Variants in DPYSL5 observed in about 807,000 individuals in gnomAD.
DPYSL5 encodes dihydropyrimidinase-related protein 5.
In DPYSL5, 9 loss-of-function variants were observed where a neutral mutation model predicts 58.4. The observed-to-expected ratio is 0.15, with a 90% CI of 0.09 to 0.27. The LOEUF is 0.27. Ranked by LOEUF, DPYSL5 falls within the 10% of genes least tolerant of loss-of-function variation. DPYSL5 has a pLI of 1.00. For synonymous variants in DPYSL5, 293 were observed against 301.9 expected, an observed-to-expected ratio of 0.97 and a Z score of 0.31; for missense variants, 499 against 770.6, an observed-to-expected ratio of 0.65 and a Z score of 4.17.
At position 26,944,221 on chromosome 2, in the gene DPYSL5, G is replaced by A. The variant is rs1389624620; in HGVS notation, c.1441-435G>A. ...GGAGAATCACTTTGCGGGGGCGGAG[G>A]TTGCAGTGAGCCAAGATCGCACCAC... On this transcript the variant is annotated intron_variant, in intron 11 of 12. Coordinates refer to ENST00000288699, the MANE Select transcript of DPYSL5 (RefSeq NM_020134.4). This position sits in a 1 kb window ranked among gnomAD's most constrained non-coding sequence, Gnocchi z 4.4. 6.6e-6 allele frequency among the ~76,000 whole-genome samples: 1 copy of A among 152,104 alleles called. No homozygotes were observed. The highest frequency in any genetic ancestry group is 1.5e-5 in the Non-Finnish European group (1 of 68,012).
At chr2:26,869,360 C>T (rs1336695615) in intron 1 of DPYSL5, among the ~76,000 whole-genome samples, 3 of 151,980 alleles carry the variant, frequency 2.0e-5, no homozygotes, top group South Asian at 4.2e-4. Flanking sequence ...TATAATTTGC[C>T]GATGATTAGA....
chr2:26,915,271 C>A (rs553664325), intron 2 of DPYSL5, among the ~76,000 whole-genome samples: 126 of 152,302 alleles, frequency 8.3e-4, no homozygotes, highest in African/African-American at 2.8e-3. Context: ...CCAAGCCAGG[C>A]CTACTTACTA....
intron 2 of DPYSL5, among the ~76,000 whole-genome samples, chr2:26,910,702 G>T (rs182427688): frequency 7.2e-6 from 1 of 139,468 alleles, no homozygotes; most frequent in Non-Finnish European, 1.5e-5. Context: ...TGATCTGCCC[G>T]CCCCAGCCTC....
intron 1 of DPYSL5, among the ~76,000 whole-genome samples, chr2:26,888,209 TTTTCTTTC>T (rs70953832): frequency 0.033 from 3,494 of 105,028 alleles, 63 homozygotes; most frequent in Middle Eastern, 0.066. Flanking sequence ...CTTCCCTTTC[TTTTCTTTC>T]TTTCTTTCTT....
At position 26,849,124 on chromosome 2, in the gene DPYSL5, G is replaced by T. The variant is rs958494443; in HGVS notation, c.-5+870G>T. Among the ~76,000 whole-genome samples, 2 of 147,656 alleles carry T rather than the reference G, an allele frequency of 1.4e-5. No individual in the cohort carries two copies. Among genetic ancestry groups the T allele is most frequent in the Non-Finnish European group, 3.0e-5 (2 of 66,156 alleles). On this transcript the variant is annotated intron_variant, in intron 1 of 12. Coordinates refer to ENST00000288699, the MANE Select transcript of DPYSL5 (RefSeq NM_020134.4). This position sits in a 1 kb window ranked among gnomAD's most constrained non-coding sequence, Gnocchi z 6.2. Reference sequence around the variant, plus strand: ...CGGGGAGCAGGGAGTGGGAACTAGGGTTTGAGGAGGAAAGAGAAGGGGCGG... The same window carrying T: ...CGGGGAGCAGGGAGTGGGAACTAGGTTTTGAGGAGGAAAGAGAAGGGGCGG...
At chr2:26,871,588 C>T (rs974845180) in intron 1 of DPYSL5, among the ~76,000 whole-genome samples, 5 of 151,998 alleles carry the variant, frequency 3.3e-5, no homozygotes, top group Middle Eastern at 3.4e-3. Flanking sequence ...ATTACAGTTG[C>T]GCACCACCAC....
At chr2:26,866,588 T>C (rs1456996005) in intron 1 of DPYSL5, among the ~76,000 whole-genome samples, 1 of 152,160 alleles carries the variant, frequency 6.6e-6, no homozygotes, top group Non-Finnish European at 1.5e-5. Context: ...AAGATAAAGT[T>C]TGAGGTGATG....
rs544743344 is a variant in DPYSL5, at chr2:26,895,768, T to A, written c.-4-2728T>A. On this transcript the variant is annotated intron_variant, in intron 1 of 12. Transcript: ENST00000288699. ...GATAACCACCATTCTGTTCTCTATTTCTTTTTCTTTTTTTTTTTTTTTTTT... is the reference window on the plus strand; with the variant it reads ...GATAACCACCATTCTGTTCTCTATTACTTTTTCTTTTTTTTTTTTTTTTTT... 1.7e-3 allele frequency among the ~76,000 whole-genome samples: 247 copies of A among 149,078 alleles called. 1 individual carries two copies. Among genetic ancestry groups the A allele is most frequent in the Middle Eastern group, 6.8e-3 (2 of 294 alleles).
At chr2:26,867,024 G>A (rs557323945) in intron 1 of DPYSL5, among the ~76,000 whole-genome samples, 35 of 151,936 alleles carry the variant, frequency 2.3e-4, no homozygotes, top group South Asian at 6.2e-4. Context: ...GTGAGCCACC[G>A]AGCCTGGACT....
chr2:26,861,700 A>G (rs920190614), intron 1 of DPYSL5, among the ~76,000 whole-genome samples: 3 of 152,110 alleles, frequency 2.0e-5, no homozygotes, highest in Non-Finnish European at 4.4e-5. Flanking sequence ...ACTTGTGGAC[A>G]TGTTTTCTCT....
At chr2:26,941,563 G>A (rs2148175799) in intron 9 of DPYSL5, among the ~76,000 whole-genome samples, 1 of 152,284 alleles carries the variant, frequency 6.6e-6, no homozygotes, top group Admixed American at 6.5e-5. Flanking sequence ...TCATGGGTGG[G>A]GCAATAAGAT....
intron 2 of DPYSL5, among the ~76,000 whole-genome samples, chr2:26,914,005 G>A (rs1489550783): frequency 2.0e-5 from 3 of 151,428 alleles, no homozygotes; most frequent in East Asian, 1.9e-4. Flanking sequence ...ACTTATCAGT[G>A]TTCTATTTTA....
intron 2 of DPYSL5, among the ~76,000 whole-genome samples, chr2:26,906,691 G>A (rs1021621885): frequency 3.5e-4 from 53 of 152,128 alleles, no homozygotes; most frequent in Admixed American, 1.0e-3. Flanking sequence ...CAAAAACATG[G>A]CTATCCTATA....
chr2:26,870,845 G>A (rs1170272608), intron 1 of DPYSL5, among the ~76,000 whole-genome samples: 1 of 152,084 alleles, frequency 6.6e-6, no homozygotes, highest in East Asian at 1.9e-4. Flanking sequence ...CTTCCATTCT[G>A]TTTGTCTTTT....
chr2:26,861,938 A>C (rs944305838), intron 1 of DPYSL5, among the ~76,000 whole-genome samples: 1 of 152,232 alleles, frequency 6.6e-6, no homozygotes. Context: ...TTGATGAAGT[A>C]AGTGGCTATT....
At chr2:26,873,945 C>A (rs901579648) in intron 1 of DPYSL5, among the ~76,000 whole-genome samples, 7 of 152,202 alleles carry the variant, frequency 4.6e-5, no homozygotes, top group Admixed American at 2.0e-4. Flanking sequence ...AACCATTATA[C>A]ACCATTCTAC....
rs894817671 is a variant in DPYSL5, at chr2:26,920,823, T to C, written c.262-4064T>C. Among the ~76,000 whole-genome samples, 3 of 152,320 alleles carry C rather than the reference T, an allele frequency of 2.0e-5. No homozygotes were observed. The South Asian group carries it at 6.2e-4, about 32-fold the overall frequency. ...TTTCCTTGCATTTTTATTTCTTGTGTGGGGAGTATGTGTGTTTAAACATGG... is the reference window on the plus strand; with the variant it reads ...TTTCCTTGCATTTTTATTTCTTGTGCGGGGAGTATGTGTGTTTAAACATGG... On this transcript the variant is annotated intron_variant, in intron 2 of 12. Transcript: ENST00000288699.
At chr2:26,936,945 T>TTAAAAAAAAAAAAAA (rs1665194558) in intron 8 of DPYSL5, among the ~76,000 whole-genome samples, 2 of 77,900 alleles carry the variant, frequency 2.6e-5, no homozygotes, top group African/African-American at 9.9e-5. Flanking sequence ...AGACTTCATT[T>TTAAAAAAAAAAAAAA]AAAAAAAAAA....
At chr2:26,937,649 C>A (rs1030782708) in intron 8 of DPYSL5, among the ~76,000 whole-genome samples, 7 of 151,136 alleles carry the variant, frequency 4.6e-5, no homozygotes, top group African/African-American at 1.5e-4. Flanking sequence ...TTTTTTCAGA[C>A]AGGGTCTGGC....
Sources: allele counts gnomAD v4.1 joint callset (sites outside exome capture counted in the v4.1 genomes callset), GRCh38; gene constraint gnomAD v4.1.1; non-coding constraint Gnocchi (gnomAD v3.1); transcripts MANE v1.5; gene names NCBI Gene and HGNC (gene_info 2026-07-23, HGNC 2026-07-21).